The following DSE variants were observed in gnomAD, a reference collection of about 807,000 sequenced individuals.
The protein encoded by DSE is dermatan sulfate epimerase.
A neutral mutation model predicts 84.4 loss-of-function variants in DSE; 36 were observed. The ratio of observed to expected loss-of-function variants is 0.43; its 90% CI spans 0.33 to 0.56. The LOEUF (loss-of-function observed/expected upper bound fraction) is 0.56, where lower values mean the gene tolerates loss of function less well. Ranked by LOEUF, DSE falls within the 20% of genes least tolerant of loss-of-function variation. The pLI is 0.06. For synonymous variants in DSE, 410 were observed against 430.1 expected (o/e 0.95, Z 0.58); for missense variants, 862 against 1,169.6 (o/e 0.74, Z 3.84).
At chr6:116,287,509 T>C (rs1385651722) in intron 2 of DSE, among the ~76,000 whole-genome samples, 1 of 152,130 alleles carries the variant, frequency 6.6e-6, no homozygotes, top group East Asian at 1.9e-4. Context: ...AATAATACTT[T>C]GTTTTACAAT....
chr6:116,386,876 G>A (rs866129081), intron 1 of DSE, among the ~76,000 whole-genome samples: 2 of 152,162 alleles, frequency 1.3e-5, no homozygotes, highest in African/African-American at 4.8e-5. Context: ...ATTTAACATA[G>A]TAGATCCTTG....
intron 2 of DSE, among the ~76,000 whole-genome samples, chr6:116,359,290 T>C (rs1056100099): frequency 6.6e-6 from 1 of 152,130 alleles, no homozygotes; most frequent in African/African-American, 2.4e-5. Context: ...CTAGACTAAA[T>C]AGGGAACACT....
At chr6:116,287,396 A>T (rs746733557) in intron 2 of DSE, among the ~76,000 whole-genome samples, 1 of 152,056 alleles carries the variant, frequency 6.6e-6, no homozygotes, top group African/African-American at 2.4e-5. Context: ...AGCCTAAAAG[A>T]GTTCTTTTTA....
At chr6:116,324,316 C>A (rs1267633493) in intron 2 of DSE, among the ~76,000 whole-genome samples, 1 of 152,162 alleles carries the variant, frequency 6.6e-6, no homozygotes, top group Non-Finnish European at 1.5e-5. Flanking sequence ...CAGGCAAGAT[C>A]CAGGAAAGCA....
chr6:116,414,889 G>T (rs1782601456), intron 2 of DSE, among the ~76,000 whole-genome samples: 1 of 147,132 alleles, frequency 6.8e-6, no homozygotes, highest in Non-Finnish European at 1.5e-5. Flanking sequence ...TCTCACTCTT[G>T]TGTAAGTTTT....
At chr6:116,381,567 G>C (rs1178204532) in intron 1 of DSE, among the ~76,000 whole-genome samples, 1 of 152,140 alleles carries the variant, frequency 6.6e-6, no homozygotes, top group Non-Finnish European at 1.5e-5. Context: ...TAATTGTTCT[G>C]TGCCTCAGGT....
intron 2 of DSE, among the ~76,000 whole-genome samples, chr6:116,418,816 A>G (rs1239519201): frequency 6.6e-6 from 1 of 152,216 alleles, no homozygotes; most frequent in Non-Finnish European, 1.5e-5. Context: ...TTCCATTCTC[A>G]GCTTCACTGT....
chr6:116,366,517 A>G (rs1779172775), upstream of DSE: 1 of 152,212 alleles, frequency 6.6e-6, no homozygotes, highest in African/African-American at 2.4e-5. Context: ...AAATATCAGT[A>G]ATTTTTGTAA....
At chr6:116,359,124 T>C (rs529562992) in intron 2 of DSE, among the ~76,000 whole-genome samples, 38 of 152,198 alleles carry the variant, frequency 2.5e-4, no homozygotes, top group Non-Finnish European at 4.7e-4. Flanking sequence ...AACTTTAATA[T>C]ATATATATTT....
intron 1 of DSE, among the ~76,000 whole-genome samples, chr6:116,384,655 A>G (rs906032149): frequency 1.3e-5 from 2 of 152,190 alleles, no homozygotes; most frequent in Non-Finnish European, 2.9e-5. Flanking sequence ...ATGTAATTAT[A>G]TTTATGTAGC....
At chr6:116,325,126 G>A (rs547233955) in intron 2 of DSE, among the ~76,000 whole-genome samples, 1 of 152,274 alleles carries the variant, frequency 6.6e-6, no homozygotes, top group South Asian at 2.1e-4. Context: ...ATGTCTGGTG[G>A]CATCATAGGA....
chr6:116,274,754 C>G (rs1449488189), intron 2 of DSE, among the ~76,000 whole-genome samples: 1 of 152,168 alleles, frequency 6.6e-6, no homozygotes, highest in Non-Finnish European at 1.5e-5. Flanking sequence ...CTTAAGTACT[C>G]AAGAACAGTT....
intron 2 of DSE, among the ~76,000 whole-genome samples, chr6:116,349,003 G>C (rs976051935): frequency 1.3e-5 from 2 of 152,046 alleles, no homozygotes; most frequent in Admixed American, 1.3e-4. Flanking sequence ...AGCATTAGGA[G>C]ATATACCTAA....
At position 116,260,166 on chromosome 6, in the gene DSE, A is replaced by G. The variant is rs529044739; in HGVS notation, c.-54+1199A>G. Reference sequence around the variant, plus strand: ...GCCAGCATCTGTTTTTTACTTTTTAATAATAGCCATTCTGACTGGTATGAG... The same window carrying G: ...GCCAGCATCTGTTTTTTACTTTTTAGTAATAGCCATTCTGACTGGTATGAG... On this transcript the variant is annotated intron_variant, in intron 2 of 3. Coordinates refer to the DSE transcript ENST00000430252. Among the ~76,000 whole-genome samples, 80 of 152,234 alleles carry G rather than the reference A, an allele frequency of 5.3e-4. 1 individual carries two copies. Among genetic ancestry groups the G allele is most frequent in the Middle Eastern group, 3.4e-3 (1 of 294 alleles).
intron 2 of DSE, among the ~76,000 whole-genome samples, chr6:116,316,521 T>G (rs529604499): frequency 1.3e-5 from 2 of 152,134 alleles, no homozygotes; most frequent in Non-Finnish European, 2.9e-5. Context: ...GACTGGACCT[T>G]GGGAGCTAGT....
chr6:116,302,422 C>T (rs1775095553), intron 2 of DSE, among the ~76,000 whole-genome samples: 1 of 152,184 alleles, frequency 6.6e-6, no homozygotes, highest in Non-Finnish European at 1.5e-5. Flanking sequence ...TTGTTGGCTG[C>T]ATAAATGTCT....
intron 1 of DSE, among the ~76,000 whole-genome samples, chr6:116,256,909 A>G (rs1444336183): frequency 6.6e-6 from 1 of 152,222 alleles, no homozygotes; most frequent in Non-Finnish European, 1.5e-5. Context: ...AGAAAAAACT[A>G]CATCAGTGAC....
At chr6:116,292,530 T>A (rs1582956218) in intron 2 of DSE, among the ~76,000 whole-genome samples, 1 of 152,142 alleles carries the variant, frequency 6.6e-6, no homozygotes, top group East Asian at 1.9e-4. Context: ...CTTTCATAAT[T>A]GTCAGTATAG....
intron 2 of DSE, among the ~76,000 whole-genome samples, chr6:116,312,320 T>C (rs1562222460): frequency 1.3e-5 from 2 of 152,246 alleles, no homozygotes; most frequent in Admixed American, 1.3e-4. Context: ...GGTAGCCAGT[T>C]AAATAATTCA....
Sources: allele counts gnomAD v4.1 joint callset (sites outside exome capture counted in the v4.1 genomes callset), GRCh38; gene constraint gnomAD v4.1.1; transcripts MANE v1.5; gene names NCBI Gene and HGNC (gene_info 2026-07-23, HGNC 2026-07-21).